Variants in SUGCT observed in about 807,000 individuals in gnomAD.
The protein encoded by SUGCT is succinyl-CoA:glutarate-CoA transferase, also known as succinyl-CoA:glutarate CoA-transferase.
SUGCT carries 41 observed loss-of-function variants against 55.0 expected under a neutral mutation model. The observed-to-expected ratio is 0.74, with a 90% CI of 0.58 to 0.97. SUGCT has a LOEUF of 0.97. Ranked by LOEUF, SUGCT falls within the 50% of genes least tolerant of loss-of-function variation. The pLI is 0.00. For missense variants in SUGCT, 568 were observed against 547.8 expected (o/e 1.04, Z -0.37); for synonymous variants, 187 against 200.4 (o/e 0.93, Z 0.56).
chr7:40,739,833 TAATATCAGATAG>T (rs1433204716), intron 12 of SUGCT, among the ~76,000 whole-genome samples: 1 of 152,190 alleles, frequency 6.6e-6, no homozygotes, highest in Non-Finnish European at 1.5e-5. Context: ...TAGTATATCT[TAATATCAGATAG>T]AGTAATTATC....
the SUGCT span, among the ~76,000 whole-genome samples, chr7:41,021,477 CT>C: frequency 6.6e-6 from 1 of 152,034 alleles, no homozygotes; most frequent in East Asian, 1.9e-4. Flanking sequence ...CAGATAATGA[CT>C]TACTTTCTAT....
chr7:40,262,793 A>G lies in SUGCT; in HGVS notation c.577-11720A>G, dbSNP rs78334053. Among the ~76,000 whole-genome samples, 942 of 152,344 alleles carry G rather than the reference A, an allele frequency of 6.2e-3. 10 individuals are homozygous for G. Among genetic ancestry groups the G allele is most frequent in the African/African-American group, 0.022 (905 of 41,584 alleles). Reference sequence around the variant, plus strand: ...ATTGTCTGAAAAGGAAAGATGAGGAATATTGATGTATAATAAAACAATATA... The same window carrying G: ...ATTGTCTGAAAAGGAAAGATGAGGAGTATTGATGTATAATAAAACAATATA... On this transcript the variant is annotated intron_variant, in intron 7 of 13. Transcript: ENST00000335693.
chr7:40,794,921 A>C (rs1304517149), intron 13 of SUGCT, among the ~76,000 whole-genome samples: 1 of 152,156 alleles, frequency 6.6e-6, no homozygotes, highest in Non-Finnish European at 1.5e-5. Flanking sequence ...CATTTTGAGC[A>C]ATCAGATAAT....
At chr7:40,155,630 CA>C (rs1783850565) in intron 1 of SUGCT, among the ~76,000 whole-genome samples, 1 of 152,018 alleles carries the variant, frequency 6.6e-6, no homozygotes. Context: ...CATCATCAGA[CA>C]AAAAAACCAT....
At chr7:40,232,657 T>C (rs1221596567) in intron 6 of SUGCT, among the ~76,000 whole-genome samples, 1 of 152,204 alleles carries the variant, frequency 6.6e-6, no homozygotes, top group Non-Finnish European at 1.5e-5. Context: ...TCCCCTTAGC[T>C]TCCTCCCTGT....
At chr7:40,849,707 G>A (rs142304678) in intron 13 of SUGCT, among the ~76,000 whole-genome samples, 2 of 152,096 alleles carry the variant, frequency 1.3e-5, no homozygotes, top group East Asian at 3.9e-4. Context: ...AAAAGGAGGT[G>A]AGACAAAACC....
chr7:40,213,700 GTTGT>G (rs1331695971), intron 6 of SUGCT, among the ~76,000 whole-genome samples: 1 of 152,116 alleles, frequency 6.6e-6, no homozygotes, highest in African/African-American at 2.4e-5. Flanking sequence ...TTCTTTCCCA[GTTGT>G]TTGTTTATTC....
chr7:40,841,416 A>G (rs1051779611), intron 13 of SUGCT, among the ~76,000 whole-genome samples: 1 of 152,104 alleles, frequency 6.6e-6, no homozygotes, highest in Admixed American at 6.5e-5. Flanking sequence ...AACTAAATTG[A>G]TGTTTATCTT....
the SUGCT span, chr7:40,966,360 T>G: frequency 6.6e-6 from 1 of 152,228 alleles, no homozygotes; most frequent in East Asian, 1.9e-4. Flanking sequence ...CCTCTGGACA[T>G]TCATGAGTGA....
At chr7:40,940,180 G>T in the SUGCT span, among the ~76,000 whole-genome samples, 7 of 151,914 alleles carry the variant, frequency 4.6e-5, no homozygotes, top group Non-Finnish European at 1.0e-4. Flanking sequence ...AAGATTAGTT[G>T]GTTGTAAATA....
chr7:40,555,875 T>C (rs998173977), intron 12 of SUGCT, among the ~76,000 whole-genome samples: 1 of 152,160 alleles, frequency 6.6e-6, no homozygotes, highest in Non-Finnish European at 1.5e-5. Context: ...ATGCTACATC[T>C]TTAATGATGT....
At chr7:40,218,333 A>G (rs1357239854) in intron 6 of SUGCT, among the ~76,000 whole-genome samples, 1 of 152,234 alleles carries the variant, frequency 6.6e-6, no homozygotes, top group Non-Finnish European at 1.5e-5. Flanking sequence ...TAACATTTTC[A>G]TTAAACAATA....
At chr7:40,899,968 G>A in the SUGCT span, among the ~76,000 whole-genome samples, 9 of 152,166 alleles carry the variant, frequency 5.9e-5, no homozygotes, top group Non-Finnish European at 1.3e-4. Context: ...TCTGGCTGCG[G>A]TGGGCTGGGG....
intron 9 of SUGCT, among the ~76,000 whole-genome samples, chr7:40,330,225 A>T (rs1796236836): frequency 6.6e-6 from 1 of 152,214 alleles, no homozygotes; most frequent in Admixed American, 6.5e-5. Flanking sequence ...TGAGTGTGTG[A>T]GGTGTCTCAA....
intron 9 of SUGCT, among the ~76,000 whole-genome samples, chr7:40,372,910 T>TG (rs1562724413): frequency 6.6e-6 from 1 of 151,962 alleles, no homozygotes; most frequent in Non-Finnish European, 1.5e-5. Context: ...ATAATTCAAA[T>TG]CCATATTGAT....
At chr7:40,730,525 C>T (rs1403326675) in intron 12 of SUGCT, among the ~76,000 whole-genome samples, 1 of 152,084 alleles carries the variant, frequency 6.6e-6, no homozygotes, top group Non-Finnish European at 1.5e-5. Flanking sequence ...TCTGCAATAC[C>T]TCACATACTT....
At chr7:40,591,853 A>G (rs1797739176) in intron 12 of SUGCT, among the ~76,000 whole-genome samples, 1 of 152,222 alleles carries the variant, frequency 6.6e-6, no homozygotes, top group African/African-American at 2.4e-5. Context: ...ATGCTATTGC[A>G]CACTTAATAA....
At chr7:40,334,569 C>T (rs1796566174) in intron 9 of SUGCT, among the ~76,000 whole-genome samples, 1 of 152,198 alleles carries the variant, frequency 6.6e-6, no homozygotes, top group Admixed American at 6.5e-5. Context: ...AGTGTCTGTT[C>T]ATATCCTTCG....
chr7:40,886,830 C>T, the SUGCT span, among the ~76,000 whole-genome samples: 13 of 152,234 alleles, frequency 8.5e-5, no homozygotes, highest in Non-Finnish European at 1.3e-4. Flanking sequence ...CTGACAGGTC[C>T]GAACTATTGG....
Sources: allele counts gnomAD v4.1 joint callset (sites outside exome capture counted in the v4.1 genomes callset), GRCh38; gene constraint gnomAD v4.1.1; transcripts MANE v1.5; gene names NCBI Gene and HGNC (gene_info 2026-07-23, HGNC 2026-07-21).